CHODL: variants seen among roughly 807,000 people sequenced by gnomAD.
CHODL encodes transmembrane protein MT75.
A neutral mutation model predicts 34.5 loss-of-function variants in CHODL; 29 were observed. The ratio of observed to expected loss-of-function variants is 0.84; its 90% CI spans 0.63 to 1.15. CHODL has a LOEUF of 1.15. Among genes scored for constraint, CHODL ranks in the 50% most tolerant of loss-of-function variants. CHODL has a pLI of 0.00. For synonymous variants in CHODL, 125 were observed against 116.1 expected (o/e 1.08, Z -0.49); for missense variants, 332 against 332.5 (o/e 1.00, Z 0.01).
chr21:18,177,205 C>T (rs1216532773), intron 2 of CHODL, among the ~76,000 whole-genome samples: 1 of 151,984 alleles, frequency 6.6e-6, no homozygotes, highest in Admixed American at 6.6e-5. Flanking sequence ...CTAAGTACCA[C>T]ATTAAGAGAA....
intron 1 of CHODL, among the ~76,000 whole-genome samples, chr21:18,000,494 C>T (rs1023247924): frequency 9.9e-5 from 15 of 152,194 alleles, no homozygotes; most frequent in African/African-American, 3.4e-4. Context: ...AGTTGCTTAA[C>T]TGGGCCAGAT....
intron 2 of CHODL, among the ~76,000 whole-genome samples, chr21:18,110,530 C>A (rs1004266261): frequency 1.3e-5 from 2 of 152,098 alleles, no homozygotes; most frequent in Non-Finnish European, 2.9e-5. Context: ...AAGAACCCAG[C>A]CATTCCACCC....
In CHODL at chr21:17,982,931, G is replaced by T. The variant is rs774215491; in HGVS notation, c.-144-44941G>T. Among the ~76,000 whole-genome samples the T allele has an allele frequency of 4.4e-4, 67 of 151,800 alleles. 1 individual carries two copies. The highest frequency in any genetic ancestry group is 1.6e-4 in the Non-Finnish European group (11 of 67,964). ...GTAGAGATGGGGTTTCACCATGTTG[G>T]CCAGGCTGGCCTCGAACTCCTGACC... On this transcript the variant is annotated intron_variant, in intron 1 of 6. Transcript: ENST00000400127.
At chr21:18,101,080 G>T (rs1312931347) in intron 2 of CHODL, among the ~76,000 whole-genome samples, 1 of 152,134 alleles carries the variant, frequency 6.6e-6, no homozygotes, top group Non-Finnish European at 1.5e-5. Context: ...TTGTGGGAGG[G>T]ACCCAGTGGG....
In CHODL at chr21:18,000,674, T is replaced by C. The variant is rs371028612; in HGVS notation, c.-144-27198T>C. On this transcript the variant is annotated intron_variant, in intron 1 of 6. Transcript: ENST00000400127. ...TCCTTGGGTCATAAGAAAAAAGGCT[T>C]ACCTGATTTTCCAAAAAGTGTTTCT... Among the ~76,000 whole-genome samples, 6 of 152,288 alleles carry C rather than the reference T, an allele frequency of 3.9e-5. 1 individual carries two copies. The highest frequency in any genetic ancestry group is 1.3e-4 in the Admixed American group (2 of 15,306).
chr21:18,119,158 AC>A (rs2065449176), intron 2 of CHODL, among the ~76,000 whole-genome samples: 1 of 152,106 alleles, frequency 6.6e-6, no homozygotes, highest in South Asian at 2.1e-4. Context: ...TATGCTGGTG[AC>A]AGCATCATCA....
chr21:18,124,445 T>C (rs976995462), intron 2 of CHODL, among the ~76,000 whole-genome samples: 1 of 152,226 alleles, frequency 6.6e-6, no homozygotes, highest in African/African-American at 2.4e-5. Context: ...CTTGTATCTG[T>C]GCTCTGAGGG....
intron 2 of CHODL, among the ~76,000 whole-genome samples, chr21:18,077,098 G>T (rs976787869): frequency 2.0e-5 from 3 of 152,202 alleles, no homozygotes; most frequent in Non-Finnish European, 2.9e-5. Flanking sequence ...TCCCACCTCA[G>T]TGTGCATGGA....
chr21:18,224,365 CTTTAAAAT>C lies in CHODL; in HGVS notation c.-44-32141_-44-32134del, dbSNP rs1340463022. 3.9e-5 allele frequency among the ~76,000 whole-genome samples: 6 copies of C among 152,090 alleles called. No individual in the cohort carries two copies. The East Asian group carries it at 1.2e-3, about 29-fold the overall frequency. ...GCTCCTCTCTGCCTTACTTTCTTGT[CTTTAAAAT>C]TTGAATAATAATTATTCTTACCTCA... is the stretch of plus-strand genomic sequence containing the variant. On this transcript the variant is annotated intron_variant, in intron 2 of 6. Coordinates refer to the CHODL transcript ENST00000400127.
chr21:18,164,051 A>G (rs1410721130), intron 2 of CHODL, among the ~76,000 whole-genome samples: 2 of 152,206 alleles, frequency 1.3e-5, no homozygotes, highest in African/African-American at 4.8e-5. Flanking sequence ...AAACTTTTAT[A>G]TTAATTAAGT....
chr21:18,170,102 G>C (rs2073209154), intron 2 of CHODL, among the ~76,000 whole-genome samples: 1 of 151,702 alleles, frequency 6.6e-6, no homozygotes, highest in Admixed American at 6.6e-5. Flanking sequence ...CTTGCATTTT[G>C]GGGCTTTTTT....
At chr21:18,049,810 T>TA (rs1486197681) in intron 2 of CHODL, among the ~76,000 whole-genome samples, 3 of 152,006 alleles carry the variant, frequency 2.0e-5, no homozygotes, top group Admixed American at 6.6e-5. Flanking sequence ...TTTCTTCAAA[T>TA]ACGGCTGCAT....
At position 18,116,632 on chromosome 21, in the gene CHODL, C is replaced by T. The variant is rs546658339; in HGVS notation, c.-45+88661C>T. 5.9e-5 allele frequency among the ~76,000 whole-genome samples: 9 copies of T among 152,244 alleles called. No homozygotes were observed. The East Asian group carries it at 7.7e-4, about 13-fold the overall frequency. On this transcript the variant is annotated intron_variant, in intron 2 of 6. Coordinates refer to the CHODL transcript ENST00000400127. ...GGCCAGATTTTCAGTAAAGGGAAAT[C>T]GCAGAGAGGAGTCTGAGACTGAAGA...
At chr21:18,248,658 T>TATATGTATAATAC (rs2074176460) in intron 1 of CHODL, among the ~76,000 whole-genome samples, 1 of 101,600 alleles carries the variant, frequency 9.8e-6, no homozygotes, top group Non-Finnish European at 1.8e-5. Flanking sequence ...ATTATATACA[T>TATATGTATAATAC]ATATATGTAT....
At chr21:18,241,143 G>C (rs2074078022), upstream of CHODL, among the ~76,000 whole-genome samples, 1 of 151,862 alleles carries the variant, frequency 6.6e-6, no homozygotes. Context: ...ATTTAAGCCA[G>C]TTACACACCC....
At chr21:18,241,769 A>C (rs1439140204), upstream of CHODL, among the ~76,000 whole-genome samples, 1 of 152,196 alleles carries the variant, frequency 6.6e-6, no homozygotes, top group Non-Finnish European at 1.5e-5. Flanking sequence ...GTATACCCTT[A>C]AGAGTCCTGA....
At chr21:18,171,559 G>C (rs2073232283) in intron 2 of CHODL, among the ~76,000 whole-genome samples, 1 of 151,926 alleles carries the variant, frequency 6.6e-6, no homozygotes, top group African/African-American at 2.4e-5. Context: ...TCTTTGTTTA[G>C]CAACTTCAGT....
chr21:18,248,673 C>T (rs1402346747), intron 1 of CHODL, among the ~76,000 whole-genome samples: 61 of 107,308 alleles, frequency 5.7e-4, no homozygotes, highest in African/African-American at 2.4e-3. Context: ...ATGTATAATA[C>T]ATATATGTAT....
intron 1 of CHODL, among the ~76,000 whole-genome samples, chr21:17,982,859 A>T (rs1227715666): frequency 6.6e-6 from 1 of 151,310 alleles, no homozygotes; most frequent in Non-Finnish European, 1.5e-5. Flanking sequence ...TACAGCCATG[A>T]ACCACCCACT....
Sources: allele counts gnomAD v4.1 joint callset (sites outside exome capture counted in the v4.1 genomes callset), GRCh38; gene constraint gnomAD v4.1.1; transcripts MANE v1.5; gene names NCBI Gene and HGNC (gene_info 2026-07-23, HGNC 2026-07-21).